The following NHSL1 variants were observed in gnomAD, a reference collection of about 807,000 sequenced individuals.
The protein encoded by NHSL1 is NHS like 1.
Under a neutral mutation model 95.0 loss-of-function variants are expected in NHSL1, and 48 were observed. The observed-to-expected ratio is 0.51, with a 90% CI of 0.40 to 0.64. The LOEUF (loss-of-function observed/expected upper bound fraction) is 0.64. Ranked by LOEUF, NHSL1 falls within the 30% of genes least tolerant of loss-of-function variation. NHSL1 has a pLI of 0.00. For synonymous variants in NHSL1, 783 were observed against 833.9 expected, an observed-to-expected ratio of 0.94 and a Z score of 1.05; for missense variants, 1,971 against 2,077.7, an observed-to-expected ratio of 0.95 and a Z score of 1.00.
At chr6:138,668,622 T>C (rs1000109007) in intron 1 of NHSL1, among the ~76,000 whole-genome samples, 43 of 149,746 alleles carry the variant, frequency 2.9e-4, no homozygotes, top group Non-Finnish European at 5.6e-4. Context: ...AGAAATTTTT[T>C]TTTCTTTTTT....
intron 1 of NHSL1, among the ~76,000 whole-genome samples, chr6:138,661,674 A>AG (rs1554259023): frequency 2.6e-5 from 4 of 152,128 alleles, no homozygotes; most frequent in East Asian, 1.9e-4. Flanking sequence ...ATAAAAAAAA[A>AG]AAAGAAAGAA....
At chr6:138,523,178 T>A (rs2128310117) in intron 1 of NHSL1, among the ~76,000 whole-genome samples, 1 of 152,122 alleles carries the variant, frequency 6.6e-6, no homozygotes, top group East Asian at 1.9e-4. Flanking sequence ...GCCAATAAAG[T>A]TTTGCGGCAC....
At chr6:138,604,882 T>G (rs908637881) in intron 1 of NHSL1, among the ~76,000 whole-genome samples, 4 of 152,098 alleles carry the variant, frequency 2.6e-5, no homozygotes, top group Non-Finnish European at 5.9e-5. Flanking sequence ...CGCCTCAGAC[T>G]CCAAAGTGCT....
At chr6:138,655,545 G>A (rs1785145917) in intron 1 of NHSL1, among the ~76,000 whole-genome samples, 1 of 152,190 alleles carries the variant, frequency 6.6e-6, no homozygotes, top group South Asian at 2.1e-4. Context: ...AACTTGGCAT[G>A]ACTTTTAACT....
intron 5 of NHSL1, among the ~76,000 whole-genome samples, chr6:138,435,506 A>G (rs1776018833): frequency 6.6e-6 from 1 of 152,218 alleles, no homozygotes; most frequent in East Asian, 1.9e-4. Flanking sequence ...TATTAAAACA[A>G]AAACATTTCC....
At chr6:138,614,323 T>A (rs1233652357) in intron 1 of NHSL1, among the ~76,000 whole-genome samples, 1 of 152,178 alleles carries the variant, frequency 6.6e-6, no homozygotes, top group East Asian at 1.9e-4. Flanking sequence ...ATGACAAACG[T>A]ACACTAAGGA....
intron 1 of NHSL1, among the ~76,000 whole-genome samples, chr6:138,621,980 C>T (rs2114630509): frequency 6.6e-6 from 1 of 152,238 alleles, no homozygotes; most frequent in East Asian, 1.9e-4. Context: ...GAGAATAATG[C>T]CACCTAATTT....
intron 1 of NHSL1, among the ~76,000 whole-genome samples, chr6:138,632,642 C>T (rs1784834817): frequency 6.6e-6 from 1 of 152,134 alleles, no homozygotes; most frequent in Non-Finnish European, 1.5e-5. Flanking sequence ...CTGAAAGAAC[C>T]ACAGTATTAC....
Position 138,433,246 on chromosome 6 carries a change from A to G in NHSL1, c.1099T>C (p.Leu367=), listed in dbSNP as rs368774220. 1 of 1,551,406 alleles carries G rather than the reference A, an allele frequency of 6.4e-7. No homozygotes were observed. Among genetic ancestry groups the G allele is most frequent in the Non-Finnish European group, 8.7e-7 (1 of 1,146,952 alleles). Residue 367 remains leucine (L), a synonymous_variant, in exon 6 of 8, where the codon TTA becomes CTA. Transcript: ENST00000343505. ...QRGHPQADEN[L]GHLGGASGTG... ...CCTGAGGCACCTCCTAAATGGCCTA[A>G]GTTTTCATCTGCTTGTGGGTGACCT... is the stretch of plus-strand genomic sequence containing the variant.
At chr6:138,470,765 C>G (rs1778699207) in intron 3 of NHSL1, among the ~76,000 whole-genome samples, 1 of 152,154 alleles carries the variant, frequency 6.6e-6, no homozygotes, top group Non-Finnish European at 1.5e-5. Flanking sequence ...TCTCCTCCCA[C>G]AAACACCAGG....
chr6:138,426,329 C>T (rs923817688), intron 7 of NHSL1, among the ~76,000 whole-genome samples: 1 of 152,174 alleles, frequency 6.6e-6, no homozygotes, highest in African/African-American at 2.4e-5. Context: ...CCCATGCATG[C>T]CATGCCTCCT....
At chr6:138,575,128 A>T (rs6914708), upstream of NHSL1, among the ~76,000 whole-genome samples, 18,402 of 152,016 alleles carry the variant, frequency 0.12, 1,355 homozygotes, top group African/African-American at 0.2. Flanking sequence ...CGAACTCCCA[A>T]CCTCAGGTGA....
Position 138,432,128 on chromosome 6 carries a change from C to G in NHSL1, c.2217G>C (p.Gln739His), listed in dbSNP as rs1295339416. ...EEPWLPRSRS[Q>H]STVSAGSSMT... is the part of the protein sequence containing the mutation. ...TGCTGCTGCCAGCACTAACTGTGCT[C>G]TGGCTCCGGGAGCGGGGCAGCCAGG... Residue 739 changes from glutamine to histidine, a missense_variant, in exon 6 of 8, where the codon CAG becomes CAC. Transcript: ENST00000343505. The surrounding 1 kb of genome is among the most constrained non-coding windows in gnomAD (Gnocchi z 4.4). 3 of 1,550,156 alleles carry G rather than the reference C, an allele frequency of 1.9e-6. No homozygotes were observed. The Admixed American group carries it at 5.9e-5, about 30-fold the overall frequency.
upstream of NHSL1, among the ~76,000 whole-genome samples, chr6:138,500,420 A>G (rs541735873): frequency 1.7e-3 from 252 of 152,324 alleles, 1 homozygote; most frequent in Non-Finnish European, 2.7e-3. Flanking sequence ...ATAGGAAAAA[A>G]GAGGAGAATA....
chr6:138,482,368 C>T (rs540017010), intron 2 of NHSL1, among the ~76,000 whole-genome samples: 69 of 151,114 alleles, frequency 4.6e-4, no homozygotes, highest in Non-Finnish European at 8.5e-4. Flanking sequence ...ATTGCTTGAA[C>T]CCGGGAGGCG....
Position 138,424,158 on chromosome 6 carries a change from G to C in NHSL1, c.4744C>G (p.Pro1582Ala), listed in dbSNP as rs78615497. 1,077 of 1,451,430 alleles carry C rather than the reference G, an allele frequency of 7.4e-4. 8 individuals are homozygous for C. The African/African-American group carries it at 0.014, about 18-fold the overall frequency. The allele number at this position is 1,451,430 out of a possible 1,614,324, so 89.9% of individuals were successfully genotyped here. Residue 1582 changes from proline (P) to alanine (A), a missense_variant, in exon 8 of 8, where the codon CCT becomes GCT. Pro to Ala is a conservative substitution (Grantham distance 27). Transcript: ENST00000343505. This position sits in a 1 kb window ranked among gnomAD's most constrained non-coding sequence, Gnocchi z 5.9. ...AASLQPQAPGPVDGTASAEGR... is the reference protein window; with the variant it reads ...AASLQPQAPGAVDGTASAEGR... ...TCTGCACTGGCTGTCCCATCCACAG[G>C]GCCGGGGGCCTGGGGCTGCAGGGAG...
At chr6:138,492,462 G>A (rs562784623) in intron 2 of NHSL1, among the ~76,000 whole-genome samples, 13 of 152,242 alleles carry the variant, frequency 8.5e-5, no homozygotes, top group South Asian at 2.1e-4. Context: ...ACTTTCATCC[G>A]TTCATTTAAA....
chr6:138,661,079 A>G (rs72977130), intron 1 of NHSL1, among the ~76,000 whole-genome samples: 422 of 152,322 alleles, frequency 2.8e-3, no homozygotes, highest in Non-Finnish European at 5.0e-3. Context: ...GATTATCACA[A>G]TCAAGCTAAT....
chr6:138,511,987 A>G (rs1444753366), intron 1 of NHSL1, among the ~76,000 whole-genome samples: 1 of 152,222 alleles, frequency 6.6e-6, no homozygotes, highest in Non-Finnish European at 1.5e-5. Flanking sequence ...CGAAAATTGC[A>G]TAGCAGCTCT....
Sources: allele counts gnomAD v4.1 joint callset (sites outside exome capture counted in the v4.1 genomes callset), GRCh38; gene constraint gnomAD v4.1.1; non-coding constraint Gnocchi (gnomAD v3.1); transcripts MANE v1.5; gene names NCBI Gene and HGNC (gene_info 2026-07-23, HGNC 2026-07-21).